GRM4: variants seen among roughly 807,000 people sequenced by gnomAD.
The protein encoded by GRM4 is glutamate metabotropic receptor 4.
In GRM4, 28 loss-of-function variants were observed where a neutral mutation model predicts 81.7. That is an observed-to-expected ratio of 0.34 (90% CI 0.25 to 0.47). The LOEUF (loss-of-function observed/expected upper bound fraction) is 0.47. Ranked by LOEUF, GRM4 falls within the 20% of genes least tolerant of loss-of-function variation. GRM4 has a pLI of 1.00. For missense variants in GRM4, 948 were observed against 1,290.0 expected (o/e 0.73, Z 4.06); for synonymous variants, 488 against 528.8 (o/e 0.92, Z 1.06).
intron 2 of GRM4, among the ~76,000 whole-genome samples, chr6:34,109,806 A>G (rs1181895525): frequency 6.6e-6 from 1 of 152,074 alleles, no homozygotes; most frequent in Non-Finnish European, 1.5e-5. Flanking sequence ...CTTTCAGGAT[A>G]CTGAGCTGAA....
In GRM4 at chr6:34,130,064, T is replaced by G. The variant is rs1445733190; in HGVS notation, c.519+2914A>C. On this transcript the variant is annotated intron_variant, in intron 2 of 10. Coordinates refer to ENST00000538487, the MANE Select transcript of GRM4 (RefSeq NM_000841.4). This position sits in a 1 kb window ranked among gnomAD's most constrained non-coding sequence, Gnocchi z 4.1. ...CACCTGGTGGTGGGCGCAGGTCCCCTCCCCCAAGGCATCCCTCCCTCACCC... is the reference window on the plus strand; with the variant it reads ...CACCTGGTGGTGGGCGCAGGTCCCCGCCCCCAAGGCATCCCTCCCTCACCC... Among the ~76,000 whole-genome samples the G allele has an allele frequency of 6.6e-6, 1 of 151,898 alleles. No homozygotes were observed. Among genetic ancestry groups the G allele is most frequent in the Non-Finnish European group, 1.5e-5 (1 of 67,962 alleles).
intron 1 of GRM4, 150 bp from the exon 2 acceptor site, chr6:34,134,009 G>A (rs1041955976): frequency 3.5e-5 from 8 of 228,200 alleles, no homozygotes; most frequent in African/African-American, 9.3e-5. Flanking sequence ...TTTCCTCTCC[G>A]CCATTGCTCA....
intron 10 of GRM4, among the ~76,000 whole-genome samples, chr6:34,023,098 T>C (rs889357719): frequency 6.6e-6 from 1 of 152,186 alleles, no homozygotes; most frequent in Non-Finnish European, 1.5e-5. Flanking sequence ...ACTGGGCCCA[T>C]GTTTCGCACC....
intron 2 of GRM4, among the ~76,000 whole-genome samples, chr6:34,106,970 G>A (rs1020551514): frequency 6.6e-6 from 1 of 152,228 alleles, no homozygotes; most frequent in African/African-American, 2.4e-5. Context: ...TGGTGTGGAT[G>A]AGGCAGCTGA....
Position 34,076,004 on chromosome 6 carries a change from C to G in GRM4, c.737-13976G>C, listed in dbSNP as rs529551910. Among the ~76,000 whole-genome samples, 3 of 152,336 alleles carry G rather than the reference C, an allele frequency of 2.0e-5. No homozygotes were observed. The East Asian group carries it at 5.8e-4, about 29-fold the overall frequency. On this transcript the variant is annotated intron_variant, in intron 3 of 10. Coordinates refer to ENST00000538487, the MANE Select transcript of GRM4 (RefSeq NM_000841.4). The stretch of plus-strand genomic sequence containing the variant: ...GACCCTGTGTTGGGGCAGAGAGAGG[C>G]ATGGGGAAGATGACCTCGTCAGCTC...
chr6:34,028,724 T>C (rs572709450), intron 9 of GRM4, among the ~76,000 whole-genome samples: 3 of 152,278 alleles, frequency 2.0e-5, no homozygotes, highest in Non-Finnish European at 4.4e-5. Context: ...AGGTTACCGC[T>C]GTTATTTGCT....
intron 6 of GRM4, among the ~76,000 whole-genome samples, chr6:34,049,238 G>A (rs549169735): frequency 6.6e-6 from 1 of 152,146 alleles, no homozygotes; most frequent in East Asian, 1.9e-4. Flanking sequence ...TCGCCCCCCA[G>A]GTGGCTAAAT....
Position 34,035,945 on chromosome 6 carries a change from G to C in GRM4, c.2165C>G (p.Pro722Arg). The C allele has an allele frequency of 6.2e-7, 1 of 1,611,838 alleles. No homozygotes were observed. Among genetic ancestry groups the C allele is most frequent in the South Asian group, 1.1e-5 (1 of 91,018 alleles). Reference protein sequence around the residue: ...LGICVWFVVDPSHSVVDFQDQ... With the variant: ...LGICVWFVVDRSHSVVDFQDQ... Reference sequence around the variant, plus strand: ...CTGGAAGTCCACCACCGAGTGGGAGGGGTCCACCACAAACCACACACAGAT... The same window carrying C: ...CTGGAAGTCCACCACCGAGTGGGAGCGGTCCACCACAAACCACACACAGAT... Residue 722 changes from proline (P) to arginine (R), a missense_variant, in exon 9 of 11, where the codon CCC (proline) becomes CGC (arginine). Pro to Arg is a moderately radical substitution (Grantham distance 103, BLOSUM62 -2). Coordinates refer to ENST00000538487, the MANE Select transcript of GRM4 (RefSeq NM_000841.4). This position sits in a 1 kb window ranked among gnomAD's most constrained non-coding sequence, Gnocchi z 6.6.
At chr6:34,051,642 G>A (rs541478524) in intron 6 of GRM4, among the ~76,000 whole-genome samples, 1 of 152,138 alleles carries the variant, frequency 6.6e-6, no homozygotes, top group South Asian at 2.1e-4. Context: ...GGAGGGCCTG[G>A]GAGGAAAGGA....
At chr6:34,154,561 G>A (rs73744835) in intron 1 of GRM4, among the ~76,000 whole-genome samples, 2,225 of 150,884 alleles carry the variant, frequency 0.015, 44 homozygotes, top group African/African-American at 0.049. Flanking sequence ...ACAGACAGAT[G>A]GGAGGTTAGA....
intron 3 of GRM4, among the ~76,000 whole-genome samples, chr6:34,072,045 C>A (rs548666499): frequency 1.4e-4 from 11 of 77,122 alleles, no homozygotes; most frequent in East Asian, 1.2e-3. Context: ...CAGATACATG[C>A]CACACACACA....
At chr6:34,094,015 G>T (rs1347301690) in intron 2 of GRM4, among the ~76,000 whole-genome samples, 1 of 152,194 alleles carries the variant, frequency 6.6e-6, no homozygotes, top group Non-Finnish European at 1.5e-5. Context: ...CCATCAAGAG[G>T]GGATTGTTTA....
intron 1 of GRM4, among the ~76,000 whole-genome samples, chr6:34,141,966 A>G (rs370483312): frequency 2.6e-5 from 4 of 152,330 alleles, no homozygotes; most frequent in African/African-American, 9.6e-5. Flanking sequence ...AACAGCTCGC[A>G]GGACCAAGAA....
chr6:34,077,765 G>C (rs1767389833), intron 3 of GRM4, among the ~76,000 whole-genome samples: 1 of 152,166 alleles, frequency 6.6e-6, no homozygotes, highest in Non-Finnish European at 1.5e-5. Flanking sequence ...CTTCAAGTCA[G>C]CTCCATCTGT....
chr6:34,025,050 G>A (rs572417014), intron 10 of GRM4, among the ~76,000 whole-genome samples: 11 of 152,276 alleles, frequency 7.2e-5, no homozygotes, highest in East Asian at 1.9e-4. Flanking sequence ...CCCTGAGGGC[G>A]GGAGCCGAGA....
In GRM4 at chr6:34,022,638, C is replaced by T. The variant is rs1562002645; in HGVS notation, c.*183G>A. On this transcript the variant is annotated 3_prime_UTR_variant, in exon 11 of 11. Transcript: ENST00000538487. The surrounding 1 kb of genome is among the most constrained non-coding windows in gnomAD (Gnocchi z 5.6). ...GCCCCGGCCCCTCGTCCTCCTGTTG[C>T]TCACCCGGTTTGCCCAGGCTGCCAG... is the stretch of plus-strand genomic sequence containing the variant. The T allele has an allele frequency of 6.5e-6, 4 of 615,750 alleles. No individual in the cohort carries two copies. The highest frequency in any genetic ancestry group is 1.2e-5 in the Non-Finnish European group (4 of 342,480). The allele number at this position is 615,750 out of a possible 1,614,324, so 38.1% of individuals were successfully genotyped here. A position where few individuals can be genotyped will look rare whatever the true frequency, so the allele number is the denominator to read the frequency against.
chr6:34,072,685 T>TCACCACATAGATACACACCACACACA (rs1269436840), intron 3 of GRM4, among the ~76,000 whole-genome samples: 3 of 51,840 alleles, frequency 5.8e-5, no homozygotes, highest in African/African-American at 3.0e-4. Context: ...CACACACACA[T>TCACCACATAGATACACACCACACACA]CACCATACAG....
At position 34,133,967 on chromosome 6, in the gene GRM4, C is replaced by T. The variant is rs1366643941; in HGVS notation, c.-363-108G>A. On this transcript the variant is annotated intron_variant, in intron 1 of 10. Coordinates refer to ENST00000538487, the MANE Select transcript of GRM4 (RefSeq NM_000841.4). This position sits in a 1 kb window ranked among gnomAD's most constrained non-coding sequence, Gnocchi z 6.5. ...GAGAGAAGGAGATGCTAGAGGTTAT[C>T]GCCGAAGATTCCATAAATCTCCTGA... is the stretch of plus-strand genomic sequence containing the variant. 6 of 395,262 alleles carry T rather than the reference C, an allele frequency of 1.5e-5. No individual in the cohort carries two copies. The highest frequency in any genetic ancestry group is 2.1e-4 in the South Asian group (2 of 9,572). 24.5% of individuals were successfully genotyped at this position (395,262 alleles called of 1,614,324 possible).
Position 34,092,265 on chromosome 6 carries a change from C to T in GRM4, c.520-166G>A, listed in dbSNP as rs770743085. Reference sequence around the variant, plus strand: ...CTCCTCCTCCAGAAAGTCTCCCAACCGGCCTCCCTGGGGTCCCCAAAGACA... The same window carrying T: ...CTCCTCCTCCAGAAAGTCTCCCAACTGGCCTCCCTGGGGTCCCCAAAGACA... On this transcript the variant is annotated intron_variant, in intron 2 of 10. Transcript: ENST00000538487. The surrounding 1 kb of genome is among the most constrained non-coding windows in gnomAD (Gnocchi z 6.8). 2.2e-4 allele frequency among the ~76,000 whole-genome samples: 33 copies of T among 152,104 alleles called. No homozygotes were observed. The highest frequency in any genetic ancestry group is 4.6e-4 in the African/African-American group (19 of 41,392).
Sources: gnomAD v4.1 joint callset for allele counts (sites outside exome capture counted in the v4.1 genomes callset) on GRCh38, gnomAD v4.1.1 for gene constraint, Gnocchi (gnomAD v3.1) non-coding constraint, MANE v1.5 for transcripts, NCBI Gene and HGNC (gene_info 2026-07-23, HGNC 2026-07-21) for gene names.